EYA4: variants seen among roughly 807,000 people sequenced by gnomAD.
The protein encoded by EYA4 is EYA transcriptional coactivator and phosphatase 4.
In EYA4, 31 loss-of-function variants were observed where a neutral mutation model predicts 87.9. The ratio of observed to expected loss-of-function variants is 0.35; its 90% CI spans 0.27 to 0.48. The LOEUF is 0.48. EYA4 is among the 20% of genes least tolerant of loss of function. The probability of loss-of-function intolerance (pLI) is 0.99; values close to 1 mark genes in which losing one functional copy is unlikely to be tolerated. For synonymous variants in EYA4, 263 were observed against 270.6 expected (o/e 0.97, Z 0.28); for missense variants, 678 against 761.4 (o/e 0.89, Z 1.29).
intron 5 of EYA4, chr6:133,453,024 TG>T (rs1793596677): frequency 1.3e-5 from 2 of 152,104 alleles, no homozygotes; most frequent in Non-Finnish European, 2.9e-5. Flanking sequence ...TTTTATTGCA[TG>T]TAATGATTTT....
chr6:133,338,608 A>C (rs1370905847), intron 2 of EYA4, among the ~76,000 whole-genome samples: 1 of 152,206 alleles, frequency 6.6e-6, no homozygotes, highest in Non-Finnish European at 1.5e-5. Context: ...CAGAAAAATG[A>C]TATAAAACCA....
chr6:133,503,765 TG>T (rs998622440), intron 13 of EYA4, among the ~76,000 whole-genome samples: 227 of 151,968 alleles, frequency 1.5e-3, no homozygotes, highest in African/African-American at 5.2e-3. Context: ...AAAGACAAAA[TG>T]TTTTTTTTTT....
At chr6:133,439,847 T>C (rs1792093464) in intron 3 of EYA4, among the ~76,000 whole-genome samples, 1 of 152,214 alleles carries the variant, frequency 6.6e-6, no homozygotes, top group Admixed American at 6.5e-5. Context: ...GTATCTGGTG[T>C]GGCCCAAGGC....
At chr6:133,349,500 G>A (rs931760655) in intron 2 of EYA4, among the ~76,000 whole-genome samples, 3 of 152,178 alleles carry the variant, frequency 2.0e-5, no homozygotes, top group African/African-American at 7.2e-5. Flanking sequence ...ATGAAAGAAT[G>A]GCATTTGAGT....
At chr6:133,483,515 T>G (rs1328608223) in intron 13 of EYA4, among the ~76,000 whole-genome samples, 2 of 151,980 alleles carry the variant, frequency 1.3e-5, no homozygotes, top group African/African-American at 4.8e-5. Flanking sequence ...GAGTAATCTT[T>G]CGTCTGACAG....
intron 3 of EYA4, among the ~76,000 whole-genome samples, chr6:133,434,026 A>G (rs560730752): frequency 6.6e-6 from 1 of 152,306 alleles, no homozygotes; most frequent in East Asian, 1.9e-4. Flanking sequence ...GCCTTGCCAT[A>G]TTTTGGACCA....
chr6:133,306,024 G>A (rs780548970), intron 2 of EYA4, among the ~76,000 whole-genome samples: 2 of 152,086 alleles, frequency 1.3e-5, no homozygotes, highest in Non-Finnish European at 2.9e-5. Flanking sequence ...TGGTATGTTT[G>A]ATATGATCAC....
intron 3 of EYA4, among the ~76,000 whole-genome samples, chr6:133,397,836 A>G (rs1010561091): frequency 3.3e-5 from 5 of 152,194 alleles, no homozygotes; most frequent in African/African-American, 9.7e-5. Flanking sequence ...TTTTAAAACC[A>G]TCAGATCTCG....
rs1448379923 is a variant in EYA4, at chr6:133,311,177, T to G, written c.33+36364T>G. On this transcript the variant is annotated intron_variant, in intron 2 of 19. Transcript: ENST00000355286. ...TTCACACCTTTCCTGTTCTACTGCC[T>G]TCACATCTGCTACTGCCGGCTTGTG... is the stretch of plus-strand genomic sequence containing the variant. Among the ~76,000 whole-genome samples, 4 of 152,184 alleles carry G rather than the reference T, an allele frequency of 2.6e-5. No homozygotes were observed. The East Asian group carries it at 7.7e-4, about 29-fold the overall frequency.
intron 2 of EYA4, among the ~76,000 whole-genome samples, chr6:133,279,019 T>C (rs1777409838): frequency 1.3e-5 from 2 of 152,250 alleles, no homozygotes; most frequent in African/African-American, 4.8e-5. Context: ...ATTATTTTTA[T>C]AGCTTCTATA....
intron 13 of EYA4, among the ~76,000 whole-genome samples, chr6:133,483,722 ATT>A (rs1349074806): frequency 7.2e-5 from 10 of 138,616 alleles, no homozygotes; most frequent in Admixed American, 7.0e-5. Context: ...TATTATTATT[ATT>A]ATTATTATTA....
intron 4 of EYA4, 109 bp from the exon 5 acceptor site, chr6:133,448,002 A>C (rs1173708467): frequency 7.8e-6 from 6 of 772,812 alleles, no homozygotes; most frequent in East Asian, 2.6e-5. Flanking sequence ...CATACAGTGC[A>C]GTTATAATTT....
intron 8 of EYA4, 69 bp from the exon 9 acceptor site, chr6:133,462,552 G>A: frequency 6.2e-7 from 1 of 1,611,520 alleles, no homozygotes; most frequent in African/African-American, 1.3e-5. Context: ...GTATTCTATT[G>A]TAGGTTACAA....
At chr6:133,425,498 C>G (rs2128571374) in intron 3 of EYA4, among the ~76,000 whole-genome samples, 1 of 150,564 alleles carries the variant, frequency 6.6e-6, no homozygotes, top group African/African-American at 2.5e-5. Flanking sequence ...TTCAAGGCAT[C>G]CTAAATTAAA....
At chr6:133,469,190 T>C (rs578010421) in intron 11 of EYA4, among the ~76,000 whole-genome samples, 1 of 152,088 alleles carries the variant, frequency 6.6e-6, no homozygotes, top group Non-Finnish European at 1.5e-5. Context: ...TCAGTGTGTA[T>C]TTAAAATCCA....
Position 133,468,621 on chromosome 6 carries a change from C to T in EYA4, c.860C>T (p.Ala287Val), listed in dbSNP as rs374522988. ...AACCAGTATGCACAGTATTATTCAG[C>T]ATCAACGTATGGAGCGTATATGACA... Reference protein sequence around the residue: ...GQNQYAQYYSASTYGAYMTSN... With the variant: ...GQNQYAQYYSVSTYGAYMTSN... Residue 287 changes from alanine (A) to valine (V), a missense_variant, in exon 11 of 20, where the codon GCA (alanine) becomes GTA (valine). Transcript: ENST00000355286. 7 of 1,612,608 alleles carry T rather than the reference C, an allele frequency of 4.3e-6. No homozygotes were observed. The African/African-American group carries it at 8.0e-5, about 18-fold the overall frequency.
chr6:133,385,397 G>A (rs1432488418), intron 3 of EYA4, among the ~76,000 whole-genome samples: 4 of 53,528 alleles, frequency 7.5e-5, no homozygotes, highest in Admixed American at 1.7e-4. Context: ...CTCTCTGTGT[G>A]TGTGTGTGTG....
At chr6:133,445,663 C>T (rs1048933858) in intron 3 of EYA4, among the ~76,000 whole-genome samples, 28 of 151,902 alleles carry the variant, frequency 1.8e-4, no homozygotes, top group African/African-American at 6.8e-4. Context: ...ACTGCAAGCT[C>T]CGCATCCCAG....
chr6:133,327,148 A>T (rs765000755), intron 2 of EYA4, among the ~76,000 whole-genome samples: 137 of 152,046 alleles, frequency 9.0e-4, no homozygotes, highest in Non-Finnish European at 1.4e-3. Flanking sequence ...TTTTATTTTT[A>T]TTTTTTTGAG....
Sources: gnomAD v4.1 joint callset for allele counts (sites outside exome capture counted in the v4.1 genomes callset) on GRCh38, gnomAD v4.1.1 for gene constraint, MANE v1.5 for transcripts, NCBI Gene and HGNC (gene_info 2026-07-23, HGNC 2026-07-21) for gene names.